The following CTTN variants were observed in gnomAD, a reference collection of about 807,000 sequenced individuals.
CTTN encodes cortactin.
A neutral mutation model predicts 84.0 loss-of-function variants in CTTN; 28 were observed. The ratio of observed to expected loss-of-function variants is 0.33; its 90% confidence interval spans 0.25 to 0.46. The LOEUF (loss-of-function observed/expected upper bound fraction) is 0.46. CTTN is among the 20% of genes least tolerant of loss of function. The pLI, the probability that CTTN is intolerant of heterozygous loss-of-function variation, is 1.00. For missense variants in CTTN, 641 were observed against 723.8 expected (o/e 0.89, Z 1.31); for synonymous variants, 301 against 288.8 (o/e 1.04, Z -0.43).
chr11:70,412,627 G>T (rs2058107184), intron 5 of CTTN, among the ~76,000 whole-genome samples: 1 of 152,208 alleles, frequency 6.6e-6, no homozygotes, highest in Non-Finnish European at 1.5e-5. Flanking sequence ...CGGGCTGTCA[G>T]GATTCTGTTT....
In CTTN at chr11:70,398,560, C is replaced by A. The variant is rs2057934486; in HGVS notation, c.-152C>A. 2.6e-5 allele frequency: 4 copies of A among 152,164 alleles called. No individual in the cohort carries two copies. The South Asian group carries it at 8.3e-4, about 31-fold the overall frequency. The allele number at this position is 152,164 out of a possible 1,614,324, so 9.4% of individuals were successfully genotyped here. A position where few individuals can be genotyped will look rare whatever the true frequency, so the allele number is the denominator to read the frequency against. ...GGAAGTAGAGCCTGGTGCCTGGGAG[C>A]GGCTGGCGCGGCGGAATCCAGGGCC... On this transcript the variant is annotated 5_prime_UTR_variant, in exon 1 of 18. Transcript: ENST00000301843.
At chr11:70,404,218 C>T (rs1202132185) in intron 1 of CTTN, among the ~76,000 whole-genome samples, 1 of 152,178 alleles carries the variant, frequency 6.6e-6, no homozygotes, top group Non-Finnish European at 1.5e-5. Context: ...ACCAGGAGGG[C>T]CAGCCAGGCA....
chr11:70,405,717 A>G (rs2058034724), intron 2 of CTTN, among the ~76,000 whole-genome samples: 1 of 152,176 alleles, frequency 6.6e-6, no homozygotes, highest in Admixed American at 6.5e-5. Context: ...GTCCGGGAAG[A>G]TGAGCAGAGA....
At chr11:70,429,012 C>T (rs767021092) in intron 13 of CTTN, 39 bp from the exon 14 acceptor site, 2 of 1,610,078 alleles carry the variant, frequency 1.2e-6, no homozygotes, top group Non-Finnish European at 8.5e-7. Context: ...AGTGTTTTTG[C>T]TGTGCTCAAG....
At chr11:70,399,065 AGGGGCT>A (rs2057944285) in intron 1 of CTTN, among the ~76,000 whole-genome samples, 1 of 7,120 alleles carries the variant, frequency 1.4e-4, no homozygotes, top group Non-Finnish European at 2.5e-4. Flanking sequence ...CCCGAGGGAG[AGGGGCT>A]GGGCCTGTGG....
intron 1 of CTTN, among the ~76,000 whole-genome samples, chr11:70,404,426 C>T (rs1199647102): frequency 5.3e-5 from 8 of 152,116 alleles, no homozygotes; most frequent in East Asian, 1.9e-4. Flanking sequence ...GCGCGGTAAC[C>T]GTGTACGTTC....
intron 10 of CTTN, among the ~76,000 whole-genome samples, chr11:70,420,994 C>T (rs996269176): frequency 8.5e-5 from 13 of 152,212 alleles, no homozygotes; most frequent in African/African-American, 3.1e-4. Flanking sequence ...AAAGTGTTTT[C>T]TTGTTGGAAT....
chr11:70,398,784 G>A (rs1158701049), intron 1 of CTTN, among the ~76,000 whole-genome samples, 170 bp downstream of exon 1: 3 of 152,104 alleles, frequency 2.0e-5, no homozygotes, highest in South Asian at 4.1e-4. Flanking sequence ...CCCGGCCTGG[G>A]GCGGGGCAGG....
intron 8 of CTTN, among the ~76,000 whole-genome samples, chr11:70,417,467 G>A (rs1332873706): frequency 6.6e-6 from 1 of 151,000 alleles, no homozygotes; most frequent in Non-Finnish European, 1.5e-5. Flanking sequence ...GTTTCCTTAA[G>A]TGCTGGGATT....
chr11:70,419,523 C>T (rs1183003890), intron 8 of CTTN, among the ~76,000 whole-genome samples: 1 of 152,226 alleles, frequency 6.6e-6, no homozygotes, highest in African/African-American at 2.4e-5. Flanking sequence ...CCTTCTCAGC[C>T]TCCTGAGTAG....
In CTTN at chr11:70,435,060, C is replaced by T; in HGVS notation, c.1551C>T (p.Asp517=). ...ATGAGATCTCATTTGACCCTGATGACATCATCACCAACATCGAGATGATTG... is the reference window on the plus strand; with the variant it reads ...ATGAGATCTCATTTGACCCTGATGATATCATCACCAACATCGAGATGATTG... The part of the protein sequence containing the change: ...GDDEISFDPD[D]IITNIEMIDD... Residue 517 remains aspartate, a synonymous_variant, in exon 18 of 18, where the codon GAC becomes GAT. Transcript: ENST00000301843. 3 of 1,614,038 alleles carry T rather than the reference C, an allele frequency of 1.9e-6. No individual in the cohort carries two copies. Among genetic ancestry groups the T allele is most frequent in the Non-Finnish European group, 2.5e-6 (3 of 1,180,010 alleles).
chr11:70,399,180 G>A (rs1434939519), intron 1 of CTTN, among the ~76,000 whole-genome samples: 3 of 151,304 alleles, frequency 2.0e-5, no homozygotes, highest in Non-Finnish European at 2.9e-5. Flanking sequence ...AGAGGGAGGT[G>A]TCTGGGTGCA....
At chr11:70,412,334 G>A (rs1338645165) in intron 5 of CTTN, among the ~76,000 whole-genome samples, 1 of 152,112 alleles carries the variant, frequency 6.6e-6, no homozygotes, top group Non-Finnish European at 1.5e-5. Flanking sequence ...AAGCTGGGAG[G>A]ATCACCTGAA....
intron 12 of CTTN, among the ~76,000 whole-genome samples, chr11:70,423,539 T>C (rs1338468787): frequency 6.6e-6 from 1 of 152,082 alleles, no homozygotes; most frequent in African/African-American, 2.4e-5. Flanking sequence ...TCCAGGGGCG[T>C]AGGCAGGCAG....
chr11:70,400,462 C>A (rs894951526), intron 1 of CTTN, among the ~76,000 whole-genome samples: 2 of 151,852 alleles, frequency 1.3e-5, no homozygotes, highest in African/African-American at 4.8e-5. Flanking sequence ...ACCCTGTCAC[C>A]CAGGCTGGAG....
chr11:70,429,278 G>A (rs1393214262), intron 14 of CTTN, 79 bp downstream of exon 14: 11 of 1,504,724 alleles, frequency 7.3e-6, no homozygotes, highest in East Asian at 4.9e-5. Context: ...GGGCCTGGGC[G>A]GGGCTTATTC....
At position 70,431,837 on chromosome 11, in the gene CTTN, C is replaced by T. The variant is rs553960654; in HGVS notation, c.1266+557C>T. Among the ~76,000 whole-genome samples, 27 of 152,216 alleles carry T rather than the reference C, an allele frequency of 1.8e-4. 2 individuals carry two copies. The highest frequency in any genetic ancestry group is 2.6e-4 in the African/African-American group (11 of 41,532). ...CGTCCCCATCCCTGAGTTACGGAGC[C>T]GCCTGCCGATGCCCCGCCCATCCCT... On this transcript the variant is annotated intron_variant, in intron 15 of 17. Transcript: ENST00000301843.
rs1565502679 is a variant in CTTN, at chr11:70,435,172, C to CA, written c.*10_*11insA. 2.6e-6 allele frequency: 4 copies of CA among 1,535,912 alleles called. No homozygotes were observed. In the South Asian group the frequency reaches 4.7e-5, roughly 18 times the overall value. On this transcript the variant is annotated 3_prime_UTR_variant, in exon 18 of 18. Transcript: ENST00000301843. Reference sequence around the variant, plus strand: ...GGAGCTGCGGCAGTAGGGCCCCCAGCCCCCCCCCGGAGCTGCGCCCTGGAT... The same window carrying CA: ...GGAGCTGCGGCAGTAGGGCCCCCAGCACCCCCCCCGGAGCTGCGCCCTGGAT...
Position 70,419,774 on chromosome 11 carries a change from C to T in CTTN, c.597C>T (p.Tyr199=), listed in dbSNP as rs35414621. The T allele has an allele frequency of 0.012, 19,716 of 1,611,088 alleles. 196 individuals are homozygous for T. The highest frequency in any genetic ancestry group is 0.035 in the Middle Eastern group (209 of 6,056). ...RDYSKGFGGK[Y]GIDKDKVDKS... ...ACTCCAAAGGTTTCGGCGGCAAATA[C>T]GGTATCGACAAGGACAAAGTGGATA... The change falls in exon 9 of 18, where the codon TAC becomes TAT. Residue 199 remains tyrosine, a synonymous_variant. Coordinates refer to ENST00000301843, the MANE Select transcript of CTTN (RefSeq NM_005231.4).
Sources: allele counts gnomAD v4.1 joint callset (sites outside exome capture counted in the v4.1 genomes callset), GRCh38; gene constraint gnomAD v4.1.1; transcripts MANE v1.5; gene names NCBI Gene and HGNC (gene_info 2026-07-23, HGNC 2026-07-21).